The following SFTPD variants were observed in gnomAD, a reference collection of about 807,000 sequenced individuals.
SFTPD encodes surfactant protein D.
A neutral mutation model predicts 34.6 loss-of-function variants in SFTPD; 18 were observed. The ratio of observed to expected loss-of-function variants is 0.52; its 90% CI spans 0.36 to 0.77. The LOEUF is 0.77. Among genes scored for constraint, SFTPD ranks in the 30% least tolerant of loss-of-function variants. The probability of loss-of-function intolerance (pLI) is 0.00; values close to 1 mark genes in which losing one functional copy is unlikely to be tolerated. For missense variants in SFTPD, 433 were observed against 468.9 expected (o/e 0.92, Z 0.71); for synonymous variants, 155 against 180.9 (o/e 0.86, Z 1.15).
rs56951870 is a variant in SFTPD, at chr10:79,974,427, G to A, written c.36+8148C>T. ...GCCTCCCAAAGTTTTGGGATTACAG[G>A]TGTGAGCCACCACACCCAGCCACCC... On this transcript the variant is annotated intron_variant, in intron 1 of 5. Coordinates refer to the SFTPD transcript ENST00000444384. Among the ~76,000 whole-genome samples the A allele has an allele frequency of 4.1e-4, 62 of 151,960 alleles. No individual in the cohort carries two copies. In the East Asian group the frequency reaches 9.9e-3, roughly 24 times the overall value.
chr10:79,941,433 C>G lies in SFTPD; in HGVS notation c.632G>C (p.Gly211Ala). Residue 211 changes from glycine to alanine, a missense_variant, in exon 6 of 8, where the codon GGA becomes GCA. Physicochemically the swap from Gly to Ala is moderately conservative, Grantham distance 60. Transcript: ENST00000372292. ...ACTTTCTCCCTTTGCTCCTTTGTCT[C>G]CAGGAATGCCTTTGTCCCCCTTCAA... ...PGLKGDKGIP[G>A]DKGAKGESGL... 1 of 1,614,056 alleles carries G rather than the reference C, an allele frequency of 6.2e-7. No homozygotes were observed. Among genetic ancestry groups the G allele is most frequent in the South Asian group, 1.1e-5 (1 of 91,088 alleles).
At chr10:79,979,533 A>T (rs562726660) in intron 1 of SFTPD, among the ~76,000 whole-genome samples, 57 of 152,334 alleles carry the variant, frequency 3.7e-4, no homozygotes, top group Admixed American at 9.8e-4. Flanking sequence ...GGAACTTTGC[A>T]TTGGAATGCT....
chr10:79,941,875 A>G (rs1589333754), intron 5 of SFTPD, 79 bp downstream of exon 5: 1 of 888,694 alleles, frequency 1.1e-6, no homozygotes, highest in Non-Finnish European at 1.9e-6. Flanking sequence ...TGGGTGGTGG[A>G]GGGGGTGTAG....
chr10:79,980,997 A>T (rs1842887210), intron 1 of SFTPD, among the ~76,000 whole-genome samples: 1 of 152,174 alleles, frequency 6.6e-6, no homozygotes, highest in African/African-American at 2.4e-5. Flanking sequence ...TCAGTGACCA[A>T]CTCCAGAGTT....
At chr10:79,969,137 G>A (rs972025475) in intron 1 of SFTPD, 1 of 151,932 alleles carries the variant, frequency 6.6e-6, no homozygotes, top group South Asian at 2.1e-4. Flanking sequence ...TCAGGAGTTC[G>A]AGACCGGCCT....
Position 79,946,593 on chromosome 10 carries a change from T to C in SFTPD, c.67A>G (p.Met23Val). The C allele has an allele frequency of 6.2e-7, 1 of 1,614,194 alleles. No individual in the cohort carries two copies. Among genetic ancestry groups the C allele is most frequent in the Non-Finnish European group, 8.5e-7 (1 of 1,180,022 alleles). The part of the protein sequence containing the change: ...TQPLGYLEAE[M>V]KTYSHRTMPS... Reference sequence around the variant, plus strand: ...ATTGTTCTGTGGGAGTAGGTCTTCATTTCTGCTTCCAGGTAGCCCAGGGGC... The same window carrying C: ...ATTGTTCTGTGGGAGTAGGTCTTCACTTCTGCTTCCAGGTAGCCCAGGGGC... Residue 23 changes from methionine (M) to valine (V), a missense_variant, in exon 2 of 8, where the codon ATG becomes GTG. Met to Val is a conservative substitution (Grantham distance 21). Coordinates refer to ENST00000372292, the MANE Select transcript of SFTPD (RefSeq NM_003019.5).
chr10:79,967,191 T>G, intron 1 of SFTPD, among the ~76,000 whole-genome samples: 1 of 127,296 alleles, frequency 7.9e-6, no homozygotes, highest in African/African-American at 3.2e-5. Flanking sequence ...ATGAGTGAAC[T>G]CCCATTCACA....
At chr10:79,940,633 C>T in intron 7 of SFTPD, 72 bp downstream of exon 7, 1 of 1,048,362 alleles carries the variant, frequency 9.5e-7, no homozygotes, top group Non-Finnish European at 1.5e-6. Context: ...CAGCCAAAGG[C>T]CAAACCAAGG....
chr10:79,938,315 C>A, intron 7 of SFTPD, 87 bp from the exon 8 acceptor site: 8 of 1,215,910 alleles, frequency 6.6e-6, no homozygotes, highest in Non-Finnish European at 8.0e-6. Context: ...CCAACCTGAG[C>A]CTTTCAGACC....
rs1258729821 is a variant in SFTPD at position 79,980,521 on chromosome 10, A to C, written c.36+2054T>G. Among the ~76,000 whole-genome samples, 4 of 152,202 alleles carry C rather than the reference A, an allele frequency of 2.6e-5. No individual in the cohort carries two copies. In the East Asian group the frequency reaches 7.7e-4, roughly 29 times the overall value. ...CCAGAGGCCTTAGGTGGGACCCAGT[A>C]CTGTGCTGGCTTCAGGTGTGACCCA... On this transcript the variant is annotated intron_variant, in intron 1 of 5. Transcript: ENST00000444384.
intron 1 of SFTPD, chr10:79,969,932 G>C (rs1297183373): frequency 6.6e-6 from 1 of 152,130 alleles, no homozygotes; most frequent in African/African-American, 2.4e-5. Context: ...CCTTGCTTTT[G>C]GGGTCACATC....
chr10:79,961,951 A>C (rs36157824), intron 1 of SFTPD, among the ~76,000 whole-genome samples: 4,401 of 147,510 alleles, frequency 0.03, 85 homozygotes, highest in Non-Finnish European at 0.044. Flanking sequence ...ACACCATGGA[A>C]TACTATGCAG....
At chr10:79,969,459 G>C (rs1206846312) in intron 1 of SFTPD, 1 of 142,768 alleles carries the variant, frequency 7.0e-6, no homozygotes, top group Non-Finnish European at 1.5e-5. Flanking sequence ...AGGGGAAAGA[G>C]CAAAACTCCG....
intron 7 of SFTPD, among the ~76,000 whole-genome samples, chr10:79,940,130 C>A (rs1842596266): frequency 6.6e-6 from 1 of 152,212 alleles, no homozygotes; most frequent in Admixed American, 6.5e-5. Context: ...CAGAGCAGAA[C>A]CCCAGTCCTA....
chr10:79,950,864 CTT>C (rs1842705797), upstream of SFTPD: 1 of 151,728 alleles, frequency 6.6e-6, no homozygotes, highest in Admixed American at 6.6e-5. Context: ...TTTTCAAAGT[CTT>C]TGTTCATTTT....
chr10:79,942,314 C>T (rs768153692), intron 4 of SFTPD, 74 bp downstream of exon 4: 37 of 1,034,730 alleles, frequency 3.6e-5, no homozygotes, highest in Middle Eastern at 2.7e-4. Context: ...ACTCTGAGCA[C>T]GCCTCAGGTC....
chr10:79,960,495 C>T (rs1415813624), intron 1 of SFTPD, among the ~76,000 whole-genome samples: 6 of 148,376 alleles, frequency 4.0e-5, no homozygotes, highest in African/African-American at 1.3e-4. Flanking sequence ...TTCTTATACA[C>T]CAATAACAGA....
upstream of SFTPD, among the ~76,000 whole-genome samples, chr10:79,951,714 T>C (rs1842711338): frequency 6.6e-6 from 1 of 152,194 alleles, no homozygotes; most frequent in South Asian, 2.1e-4. Flanking sequence ...TGATGGGTAC[T>C]TGGTCTTTGT....
chr10:79,946,398 G>T, intron 2 of SFTPD, 63 bp downstream of exon 2: 1 of 1,239,962 alleles, frequency 8.1e-7, no homozygotes. Context: ...CAGAGTTGCT[G>T]GGCTAGTTAC....
Sources: allele counts gnomAD v4.1 joint callset (sites outside exome capture counted in the v4.1 genomes callset), GRCh38; gene constraint gnomAD v4.1.1; transcripts MANE v1.5; gene names NCBI Gene and HGNC (gene_info 2026-07-23, HGNC 2026-07-21).